Variants in SECISBP2 observed in about 807,000 individuals in gnomAD.
SECISBP2 encodes the protein selenocysteine insertion sequence-binding protein 2.
A neutral mutation model predicts 98.2 loss-of-function variants in SECISBP2; 96 were observed. The ratio of observed to expected loss-of-function variants is 0.98; its 90% CI spans 0.83 to 1.16. The LOEUF is 1.16. Among genes scored for constraint, SECISBP2 ranks in the 50% most tolerant of loss-of-function variants. The pLI is 0.00. For synonymous variants in SECISBP2, 407 were observed against 370.2 expected, an observed-to-expected ratio of 1.10 and a Z score of -1.14; for missense variants, 1,046 against 1,022.9, an observed-to-expected ratio of 1.02 and a Z score of -0.31.
In SECISBP2 at chr9:89,350,023, G is replaced by A; in HGVS notation, c.1892+94G>A. 2.1e-6 allele frequency: 3 copies of A among 1,449,176 alleles called. No homozygotes were observed. The South Asian group carries it at 3.5e-5, about 17-fold the overall frequency. 89.8% of individuals were successfully genotyped at this position (1,449,176 alleles called of 1,614,324 possible). A position where few individuals can be genotyped will look rare whatever the true frequency, so the allele number is the denominator to read the frequency against. ...ATCTCCCATAAATCCTTGTTGCTGG[G>A]CCACACTGTGCTTTAAAAACCTCAT... On this transcript the variant is annotated intron_variant, in intron 13 of 16. Coordinates refer to ENST00000375807, the MANE Select transcript of SECISBP2 (RefSeq NM_024077.5).
At chr9:89,362,657 GAGGC>G (rs1832874450), downstream of SECISBP2, among the ~76,000 whole-genome samples, 1 of 152,234 alleles carries the variant, frequency 6.6e-6, no homozygotes. Context: ...ATTGTGCTGA[GAGGC>G]AGGAGGGCTG....
intron 14 of SECISBP2, among the ~76,000 whole-genome samples, chr9:89,353,526 C>T (rs1831603137): frequency 6.6e-6 from 1 of 152,224 alleles, no homozygotes; most frequent in African/African-American, 2.4e-5. Context: ...GTTCAACCAG[C>T]CCTCTTCACC....
At chr9:89,328,530 A>G in intron 4 of SECISBP2, 130 bp from the exon 5 acceptor site, 2 of 721,800 alleles carry the variant, frequency 2.8e-6, no homozygotes, top group South Asian at 1.5e-5. Flanking sequence ...CACCGGTAAG[A>G]GTTACGGTGT....
At chr9:89,362,524 C>T, downstream of SECISBP2, 1 of 1,601,256 alleles carries the variant, frequency 6.2e-7, no homozygotes, top group Non-Finnish European at 8.6e-7. Flanking sequence ...CCAGGCAGAG[C>T]ACTCAAGGCC....
intron 15 of SECISBP2, 79 bp downstream of exon 15, chr9:89,357,644 C>T: frequency 1.9e-6 from 3 of 1,557,642 alleles, no homozygotes; most frequent in Non-Finnish European, 2.7e-6. Context: ...TGGGCTCACC[C>T]ACAGAGCAGC....
At chr9:89,365,113 C>T in the SECISBP2 span, 3,116 of 152,516 alleles carry the variant, frequency 0.02, 46 homozygotes, top group Non-Finnish European at 0.029. Context: ...TGATCTGCTT[C>T]GCACACTGGC....
At chr9:89,346,832 G>T (rs777800029) in intron 10 of SECISBP2, 50 bp from the exon 11 acceptor site, 3 of 1,611,228 alleles carry the variant, frequency 1.9e-6, no homozygotes, top group Non-Finnish European at 2.5e-6. Context: ...CAAGAGCTGG[G>T]TGGGGCATCT....
downstream of SECISBP2, chr9:89,362,555 C>G: frequency 3.2e-6 from 5 of 1,541,158 alleles, no homozygotes; most frequent in Non-Finnish European, 4.5e-6. Context: ...GTTGTGGTTC[C>G]CCTCCTTGGA....
At chr9:89,318,871 C>T in intron 1 of SECISBP2, 1 of 1,253,416 alleles carries the variant, frequency 8.0e-7, no homozygotes, top group Non-Finnish European at 1.0e-6. Context: ...GTGACTGCGG[C>T]CCAGCCCGGC....
At chr9:89,363,710 A>ATT (rs1833122843), downstream of SECISBP2, 1 of 1,603,632 alleles carries the variant, frequency 6.2e-7, no homozygotes, top group African/African-American at 1.3e-5. Context: ...TACCTCATAA[A>ATT]AGGGTAACAG....
chr9:89,334,505 T>C lies in SECISBP2; in HGVS notation c.881-17T>C. ...TACTGTTGAGATTGTTCAACAATTT[T>C]GGTTATCTTTGAGCAGAGTTATCTT... On this transcript the variant is annotated splice_polypyrimidine_tract_variant and intron_variant, in intron 6 of 16. Transcript: ENST00000375807. The C allele has an allele frequency of 6.2e-7, 1 of 1,607,160 alleles. No individual in the cohort carries two copies. The highest frequency in any genetic ancestry group is 8.5e-7 in the Non-Finnish European group (1 of 1,173,754).
At chr9:89,331,415 T>C (rs906620821) in intron 5 of SECISBP2, among the ~76,000 whole-genome samples, 1 of 152,230 alleles carries the variant, frequency 6.6e-6, no homozygotes, top group Non-Finnish European at 1.5e-5. Flanking sequence ...TTTTTATTCC[T>C]GGACTCATGT....
intron 7 of SECISBP2, among the ~76,000 whole-genome samples, chr9:89,336,105 T>TTTTA (rs1828655255): frequency 7.0e-6 from 1 of 143,516 alleles, no homozygotes; most frequent in Admixed American, 7.0e-5. Flanking sequence ...TTTTTTTTTT[T>TTTTA]TTTCACTGCA....
chr9:89,318,933 G>A (rs1331450253), intron 1 of SECISBP2: 1 of 1,200,742 alleles, frequency 8.3e-7, no homozygotes, highest in African/African-American at 1.6e-5. Context: ...GCGCTCTTGG[G>A]AACGGATAGA....
chr9:89,358,261 T>C, intron 16 of SECISBP2, 70 bp downstream of exon 16: 1 of 1,480,962 alleles, frequency 6.8e-7, no homozygotes, highest in Non-Finnish European at 9.3e-7. Context: ...TAGGAGTCCC[T>C]AGGTGAGCAG....
chr9:89,340,723 G>A (rs1328231340), intron 9 of SECISBP2, among the ~76,000 whole-genome samples: 1 of 152,210 alleles, frequency 6.6e-6, no homozygotes, highest in African/African-American at 2.4e-5. Context: ...CTTGGCAGGA[G>A]AATGGAGCGG....
chr9:89,340,390 C>T (rs983585957), intron 9 of SECISBP2, among the ~76,000 whole-genome samples: 1 of 152,162 alleles, frequency 6.6e-6, no homozygotes, highest in African/African-American at 2.4e-5. Flanking sequence ...GGAGGTGATT[C>T]CCCTTCTCTA....
chr9:89,339,984 T>C (rs761967307), intron 9 of SECISBP2, 31 bp downstream of exon 9: 2 of 1,493,666 alleles, frequency 1.3e-6, no homozygotes, highest in Non-Finnish European at 1.9e-6. Context: ...ACAAATTGCT[T>C]TAGGCTTAAC....
chr9:89,356,418 A>T (rs148231925), intron 14 of SECISBP2: 1 of 152,232 alleles, frequency 6.6e-6, no homozygotes, highest in Admixed American at 6.5e-5. Flanking sequence ...GGATCATTCT[A>T]TGCAGGAGCA....
Sources: gnomAD v4.1 joint callset for allele counts (sites outside exome capture counted in the v4.1 genomes callset) on GRCh38, gnomAD v4.1.1 for gene constraint, MANE v1.5 for transcripts, NCBI Gene and HGNC (gene_info 2026-07-23, HGNC 2026-07-21) for gene names.